CD109: variants seen among roughly 807,000 people sequenced by gnomAD.
CD109 encodes the protein CD109 molecule, also known as CD109 antigen.
Under a neutral mutation model 165.8 loss-of-function variants are expected in CD109, and 149 were observed. That is an observed-to-expected ratio of 0.90 (90% CI 0.79 to 1.03). CD109 has a LOEUF of 1.03. Among genes scored for constraint, CD109 ranks in the 50% least tolerant of loss-of-function variants. The pLI, the probability that CD109 is intolerant of heterozygous loss-of-function variation, is 0.00. For synonymous variants in CD109, 585 were observed against 592.1 expected (o/e 0.99, Z 0.18); for missense variants, 1,712 against 1,677.8 (o/e 1.02, Z -0.36).
intron 23 of CD109, among the ~76,000 whole-genome samples, chr6:73,796,833 A>G (rs910554225): frequency 2.6e-5 from 4 of 151,966 alleles, no homozygotes; most frequent in Non-Finnish European, 4.4e-5. Context: ...TCCATGTGCT[A>G]CTCTTTTTGC....
Position 73,711,399 on chromosome 6 carries a change from A to AT in CD109, c.248-11846dup, listed in dbSNP as rs556328967. Among the ~76,000 whole-genome samples the AT allele has an allele frequency of 6.5e-3, 996 of 152,124 alleles. 12 individuals carry two copies. The highest frequency in any genetic ancestry group is 0.022 in the African/African-American group (926 of 41,506). The stretch of plus-strand genomic sequence containing the variant: ...AGGAGTATGTAAGGGACCAAAGGAG[A>AT]TTTTTTGTTTGGTTTTGTTCTGCTC... On this transcript the variant is annotated intron_variant, in intron 2 of 32. Transcript: ENST00000287097.
In CD109 at chr6:73,811,029, C is replaced by T. The variant is rs149270635; in HGVS notation, c.3584C>T (p.Ala1195Val). The change falls in exon 28 of 33, where the codon GCA becomes GTA. Residue 1195 changes from alanine (A) to valine (V), a missense_variant. By Grantham distance (64) the Ala-to-Val change is moderately conservative (BLOSUM62 0). Coordinates refer to ENST00000287097, the MANE Select transcript of CD109 (RefSeq NM_133493.5). Reference protein sequence around the residue: ...TVALKALSEFAALMNTERTNI... With the variant: ...TVALKALSEFVALMNTERTNI... ...GCTTTAAAGGCTCTGTCTGAATTTG[C>T]AGCCCTAATGAATACAGAAAGGACA... 1.5e-5 allele frequency: 24 copies of T among 1,613,202 alleles called. No homozygotes were observed. The African/African-American group carries it at 2.9e-4, about 20-fold the overall frequency.
intron 3 of CD109, among the ~76,000 whole-genome samples, chr6:73,729,346 G>A (rs1264090313): frequency 6.6e-6 from 1 of 151,942 alleles, no homozygotes; most frequent in East Asian, 1.9e-4. Context: ...GTGTGTGTGT[G>A]TGTGTGTGTG....
chr6:73,760,145 C>T (rs913599901), intron 7 of CD109, among the ~76,000 whole-genome samples: 5 of 152,120 alleles, frequency 3.3e-5, no homozygotes, highest in East Asian at 1.9e-4. Flanking sequence ...CAGTGGCTCA[C>T]GCCTGTAATC....
chr6:73,747,587 C>G (rs926958550), intron 5 of CD109, among the ~76,000 whole-genome samples: 1 of 152,188 alleles, frequency 6.6e-6, no homozygotes, highest in Non-Finnish European at 1.5e-5. Flanking sequence ...TCTGAGAGAA[C>G]CTATACCTCT....
chr6:73,763,590 G>A lies in CD109; in HGVS notation c.1012G>A (p.Val338Ile), dbSNP rs1773720984. ...TTCCAAAAAAGGTATTTCAAGAAAT[G>A]TAAGCACTAATGTGTTCTTCAAGCA... ...TESVTGISRN[V>I]STNVFFKQHD... Residue 338 changes from valine (V) to isoleucine (I), a missense_variant, in exon 10 of 33, where the codon GTA becomes ATA. Transcript: ENST00000287097. 2.6e-6 allele frequency: 4 copies of A among 1,567,340 alleles called. No homozygotes were observed. Among genetic ancestry groups the A allele is most frequent in the Non-Finnish European group, 3.5e-6 (4 of 1,150,278 alleles).
At chr6:73,760,322 G>T (rs1443027152) in intron 7 of CD109, among the ~76,000 whole-genome samples, 3 of 149,566 alleles carry the variant, frequency 2.0e-5, no homozygotes, top group Non-Finnish European at 4.4e-5. Context: ...CAGGAGAATG[G>T]CGTGAACCTG....
chr6:73,701,627 TTC>T (rs1477743420), intron 2 of CD109, among the ~76,000 whole-genome samples: 1 of 152,206 alleles, frequency 6.6e-6, no homozygotes, highest in East Asian at 1.9e-4. Context: ...AAACCATAAT[TTC>T]TGTTTTATTT....
intron 3 of CD109, among the ~76,000 whole-genome samples, chr6:73,723,770 G>T (rs1035790137): frequency 3.3e-5 from 5 of 152,188 alleles, no homozygotes; most frequent in African/African-American, 1.2e-4. Context: ...AGGGAGAGGA[G>T]CAGGAAAAAT....
chr6:73,802,255 A>ATGTGTGTGTG (rs750794050), intron 23 of CD109, among the ~76,000 whole-genome samples: 77 of 118,282 alleles, frequency 6.5e-4, no homozygotes, highest in African/African-American at 2.2e-3. Flanking sequence ...GAGCATGTGT[A>ATGTGTGTGTG]TATGTGTGTG....
At chr6:73,745,181 A>G (rs768075710) in intron 5 of CD109, among the ~76,000 whole-genome samples, 4 of 152,142 alleles carry the variant, frequency 2.6e-5, no homozygotes, top group Non-Finnish European at 5.9e-5. Context: ...AGCTTACTGC[A>G]ACTTCTGCCT....
intron 2 of CD109, among the ~76,000 whole-genome samples, chr6:73,719,451 T>C (rs1440313358): frequency 6.6e-6 from 1 of 152,212 alleles, no homozygotes; most frequent in African/African-American, 2.4e-5. Context: ...CATTTATTAG[T>C]TGGAATTCTG....
At chr6:73,723,739 TGGAGGGTAGAG>T (rs966710003) in intron 3 of CD109, among the ~76,000 whole-genome samples, 1 of 152,020 alleles carries the variant, frequency 6.6e-6, no homozygotes, top group African/African-American at 2.4e-5. Context: ...TGGGGCCTAC[TGGAGGGTAGAG>T]GGAGGGAGGA....
In CD109 at chr6:73,733,042, C is replaced by T. The variant is rs1246807017; in HGVS notation, c.507+2468C>T. ...GTGATGCTCAAATGTGGACTTAGGTCTAGCTGCCTTCCTCCTTGTAACTTG... is the reference window on the plus strand; with the variant it reads ...GTGATGCTCAAATGTGGACTTAGGTTTAGCTGCCTTCCTCCTTGTAACTTG... On this transcript the variant is annotated intron_variant, in intron 4 of 32. Transcript: ENST00000287097. Among the ~76,000 whole-genome samples, 3 of 152,162 alleles carry T rather than the reference C, an allele frequency of 2.0e-5. No individual in the cohort carries two copies. In the East Asian group the frequency reaches 5.8e-4, roughly 29 times the overall value.
At chr6:73,705,088 A>G (rs1167855591) in intron 2 of CD109, among the ~76,000 whole-genome samples, 2 of 152,188 alleles carry the variant, frequency 1.3e-5, no homozygotes, top group African/African-American at 4.8e-5. Context: ...AGTTATGAAA[A>G]GGAGATAGGG....
chr6:73,718,625 C>T (rs1771833787), intron 2 of CD109, among the ~76,000 whole-genome samples: 1 of 151,594 alleles, frequency 6.6e-6, no homozygotes, highest in South Asian at 2.1e-4. Flanking sequence ...GAGCTCAGGC[C>T]CATGAGTCAG....
rs1324334693 is a variant in CD109 at position 73,825,716 on chromosome 6, A to C, written c.*2083A>C. 6.6e-6 allele frequency: 1 copy of C among 152,264 alleles called. No homozygotes were observed. Among genetic ancestry groups the C allele is most frequent in the African/African-American group, 2.4e-5 (1 of 41,458 alleles). 9.4% of individuals were successfully genotyped at this position (152,264 alleles called of 1,614,324 possible). On this transcript the variant is annotated 3_prime_UTR_variant, in exon 33 of 33. Transcript: ENST00000287097. ...CCTCGTAGGCCAGGCGCAGTGGCTC[A>C]TGCCTGTAATCCCAGCACTCTGGGA... is the stretch of plus-strand genomic sequence containing the variant.
At position 73,823,886 on chromosome 6, in the gene CD109, T is replaced by G. The variant is rs1776190716; in HGVS notation, c.*253T>G. 1.6e-5 allele frequency: 5 copies of G among 321,816 alleles called. No homozygotes were observed. Among genetic ancestry groups the G allele is most frequent in the Non-Finnish European group, 2.8e-5 (5 of 176,300 alleles). 19.9% of individuals were successfully genotyped at this position (321,816 alleles called of 1,614,324 possible). On this transcript the variant is annotated 3_prime_UTR_variant, in exon 33 of 33. Coordinates refer to ENST00000287097, the MANE Select transcript of CD109 (RefSeq NM_133493.5). ...CCCCTCTCAAAATCTTTTAGAATTT[T>G]TTTGGAGGTGTTTGTTTTCTCCAGA...
chr6:73,772,911 T>C (rs957879851), intron 15 of CD109, among the ~76,000 whole-genome samples: 1 of 151,206 alleles, frequency 6.6e-6, no homozygotes, highest in African/African-American at 2.4e-5. Context: ...TTGAAAACTT[T>C]TTTTTTTTTT....
Sources: gnomAD v4.1 joint callset for allele counts (sites outside exome capture counted in the v4.1 genomes callset) on GRCh38, gnomAD v4.1.1 for gene constraint, MANE v1.5 for transcripts, NCBI Gene and HGNC (gene_info 2026-07-23, HGNC 2026-07-21) for gene names.